DNAJC15: variants seen among roughly 807,000 people sequenced by gnomAD.
The protein encoded by DNAJC15 is DnaJ heat shock protein family (Hsp40) member C15.
A neutral mutation model predicts 22.4 loss-of-function variants in DNAJC15; 27 were observed. That is an observed-to-expected ratio of 1.20 (90% CI 0.89 to 1.66). The LOEUF (loss-of-function observed/expected upper bound fraction) is 1.66, where lower values mean the gene tolerates loss of function less well. Ranked by LOEUF, DNAJC15 falls within the 40% of genes most tolerant of loss-of-function variation. DNAJC15 has a pLI of 0.00. For synonymous variants in DNAJC15, 79 were observed against 63.2 expected (o/e 1.25, Z -1.19); for missense variants, 208 against 187.1 (o/e 1.11, Z -0.65).
At chr13:43,089,891 C>G (rs911088782) in intron 5 of DNAJC15, among the ~76,000 whole-genome samples, 5 of 152,088 alleles carry the variant, frequency 3.3e-5, no homozygotes, top group African/African-American at 1.2e-4. Flanking sequence ...TCCTTTTTCA[C>G]TTTGCCAGCC....
intron 1 of DNAJC15, among the ~76,000 whole-genome samples, chr13:43,049,240 A>G (rs1169260557): frequency 6.6e-6 from 1 of 152,186 alleles, no homozygotes; most frequent in Non-Finnish European, 1.5e-5. Context: ...CTGATTCACC[A>G]TTTTACTATT....
At chr13:43,074,702 TA>T (rs983724954) in intron 3 of DNAJC15, among the ~76,000 whole-genome samples, 2 of 152,192 alleles carry the variant, frequency 1.3e-5, no homozygotes, top group African/African-American at 2.4e-5. Flanking sequence ...AATAATGGAT[TA>T]AAATACTGTG....
At chr13:43,032,630 C>T (rs1010149734) in intron 1 of DNAJC15, among the ~76,000 whole-genome samples, 5 of 152,116 alleles carry the variant, frequency 3.3e-5, no homozygotes, top group African/African-American at 9.7e-5. Context: ...TCAAGACTAG[C>T]CTGGTCAATA....
chr13:43,069,382 C>T (rs1486070017), intron 3 of DNAJC15, among the ~76,000 whole-genome samples: 1 of 152,082 alleles, frequency 6.6e-6, no homozygotes, highest in African/African-American at 2.4e-5. Context: ...GGTTCTTGTC[C>T]TGATGAAGCT....
intron 1 of DNAJC15, among the ~76,000 whole-genome samples, chr13:43,036,661 G>C (rs769814869): frequency 1.3e-5 from 2 of 152,182 alleles, no homozygotes; most frequent in African/African-American, 2.4e-5. Flanking sequence ...ACCTCTTGCT[G>C]CCACCAACAT....
intron 5 of DNAJC15, among the ~76,000 whole-genome samples, chr13:43,096,722 G>A (rs1340068894): frequency 6.6e-6 from 1 of 152,184 alleles, no homozygotes; most frequent in African/African-American, 2.4e-5. Flanking sequence ...TCAAGAGGTG[G>A]TCTGATTTTT....
At chr13:43,062,628 G>C (rs2040564206) in intron 1 of DNAJC15, among the ~76,000 whole-genome samples, 1 of 152,144 alleles carries the variant, frequency 6.6e-6, no homozygotes, top group South Asian at 2.1e-4. Flanking sequence ...TGAAATTTTG[G>C]AGGCAACTAT....
At chr13:43,034,306 T>TA in intron 1 of DNAJC15, among the ~76,000 whole-genome samples, 1 of 55,236 alleles carries the variant, frequency 1.8e-5, no homozygotes, top group East Asian at 4.4e-4. Flanking sequence ...AGATTTGTCC[T>TA]TTTTTTTTTT....
At chr13:43,025,723 G>T (rs2040377661) in intron 1 of DNAJC15, among the ~76,000 whole-genome samples, 1 of 152,144 alleles carries the variant, frequency 6.6e-6, no homozygotes, top group Non-Finnish European at 1.5e-5. Context: ...GGCCAACAGG[G>T]CAAAACCGTG....
intron 5 of DNAJC15, among the ~76,000 whole-genome samples, chr13:43,088,839 GT>G (rs5803164): frequency 0.73 from 105,615 of 144,124 alleles, 38,486 homozygotes; most frequent in South Asian, 0.84. Flanking sequence ...AATTAACTTG[GT>G]TTTTTTTTTT....
At chr13:43,104,744 C>A (rs1414009637) in intron 5 of DNAJC15, among the ~76,000 whole-genome samples, 3 of 149,980 alleles carry the variant, frequency 2.0e-5, no homozygotes, top group Non-Finnish European at 4.4e-5. Context: ...GGCTGGAGTG[C>A]AGTGGTGCGA....
At chr13:43,081,698 A>G (rs185257908) in intron 4 of DNAJC15, among the ~76,000 whole-genome samples, 59 of 152,100 alleles carry the variant, frequency 3.9e-4, no homozygotes, top group African/African-American at 1.3e-3. Flanking sequence ...CAGCCTCTCA[A>G]AGTGCTGGGA....
chr13:43,094,829 C>G (rs1322983763), intron 5 of DNAJC15, among the ~76,000 whole-genome samples: 1 of 152,216 alleles, frequency 6.6e-6, no homozygotes, highest in East Asian at 1.9e-4. Flanking sequence ...TGTCCATTGC[C>G]CATACTTCTA....
chr13:43,074,131 A>G lies in DNAJC15; in HGVS notation c.235-4481A>G, dbSNP rs569440776. Reference sequence around the variant, plus strand: ...AATCAAATAGATTATTGTACATAATAAAGTTTATAGTTTATGATAAATGTA... The same window carrying G: ...AATCAAATAGATTATTGTACATAATGAAGTTTATAGTTTATGATAAATGTA... On this transcript the variant is annotated intron_variant, in intron 3 of 5. Transcript: ENST00000379221. Among the ~76,000 whole-genome samples the G allele has an allele frequency of 1.5e-4, 23 of 152,320 alleles. No individual in the cohort carries two copies. In the East Asian group the frequency reaches 2.3e-3, roughly 15 times the overall value.
chr13:43,085,490 G>C (rs997088249), intron 4 of DNAJC15, among the ~76,000 whole-genome samples: 1 of 152,112 alleles, frequency 6.6e-6, no homozygotes, highest in African/African-American at 2.4e-5. Flanking sequence ...AGTATTGTCT[G>C]CAGAAGCTGA....
intron 5 of DNAJC15, among the ~76,000 whole-genome samples, chr13:43,093,772 C>A (rs932036873): frequency 1.3e-5 from 2 of 152,012 alleles, no homozygotes; most frequent in African/African-American, 4.8e-5. Flanking sequence ...TATTAAACTT[C>A]TTATATATTA....
chr13:43,072,806 C>T (rs2040615119), intron 3 of DNAJC15, among the ~76,000 whole-genome samples: 1 of 152,164 alleles, frequency 6.6e-6, no homozygotes, highest in African/African-American at 2.4e-5. Flanking sequence ...TCAAGTGATC[C>T]ACCCACCTCA....
At chr13:43,063,992 G>T (rs1396981524) in intron 1 of DNAJC15, among the ~76,000 whole-genome samples, 1 of 152,152 alleles carries the variant, frequency 6.6e-6, no homozygotes, top group African/African-American at 2.4e-5. Flanking sequence ...TTCTATTCAG[G>T]AATAACCTAT....
At chr13:43,080,543 C>T (rs1367290534) in intron 4 of DNAJC15, among the ~76,000 whole-genome samples, 1 of 152,232 alleles carries the variant, frequency 6.6e-6, no homozygotes. Context: ...ATGGTACTTA[C>T]TAACTACTCA....
Sources: allele counts gnomAD v4.1 joint callset (sites outside exome capture counted in the v4.1 genomes callset), GRCh38; gene constraint gnomAD v4.1.1; transcripts MANE v1.5; gene names NCBI Gene and HGNC (gene_info 2026-07-23, HGNC 2026-07-21).